Variants in PLEKHA1 observed in about 807,000 individuals in gnomAD.
PLEKHA1 encodes the protein pleckstrin homology domain containing A1, also known as pleckstrin homology domain-containing family A member 1.
PLEKHA1 carries 34 observed loss-of-function variants against 52.0 expected under a neutral mutation model. That is an observed-to-expected ratio of 0.65 (90% CI 0.50 to 0.87). The LOEUF (loss-of-function observed/expected upper bound fraction) is 0.87. Ranked by LOEUF, PLEKHA1 falls within the 40% of genes least tolerant of loss-of-function variation. The pLI is 0.00. For synonymous variants in PLEKHA1, 163 were observed against 170.7 expected (o/e 0.95, Z 0.35); for missense variants, 497 against 504.2 (o/e 0.99, Z 0.14).
At chr10:122,421,525 G>A (rs2097259773) in intron 8 of PLEKHA1, 2 of 152,250 alleles carry the variant, frequency 1.3e-5, no homozygotes, top group South Asian at 4.2e-4. Context: ...TGTAGGAAAA[G>A]TATTCAGGGG....
intron 4 of PLEKHA1, among the ~76,000 whole-genome samples, chr10:122,405,365 G>C (rs2096993638): frequency 6.6e-6 from 1 of 151,902 alleles, no homozygotes; most frequent in Admixed American, 6.6e-5. Context: ...TAAAGTATTG[G>C]TAATAAAGCA....
At chr10:122,376,281 T>TA (rs1189865699) in intron 1 of PLEKHA1, among the ~76,000 whole-genome samples, 5 of 152,188 alleles carry the variant, frequency 3.3e-5, no homozygotes, top group Non-Finnish European at 5.9e-5. Flanking sequence ...CTAGTGGAGT[T>TA]AAAGTATTTT....
At chr10:122,386,821 T>C (rs2096706808) in intron 1 of PLEKHA1, 1 of 152,218 alleles carries the variant, frequency 6.6e-6, no homozygotes, top group Admixed American at 6.5e-5. Context: ...AGAATTCACA[T>C]ATGAACTATT....
intron 4 of PLEKHA1, among the ~76,000 whole-genome samples, chr10:122,405,009 TA>T (rs2096987450): frequency 6.6e-6 from 1 of 152,210 alleles, no homozygotes; most frequent in Non-Finnish European, 1.5e-5. Context: ...TTCAGATACT[TA>T]GCTCCTAGAA....
chr10:122,436,498 A>T (rs2097438083), downstream of PLEKHA1: 1 of 152,210 alleles, frequency 6.6e-6, no homozygotes, highest in Non-Finnish European at 1.5e-5. Context: ...AAAGATAATC[A>T]CTTGGTATAG....
At chr10:122,386,557 A>C (rs1346510615) in intron 1 of PLEKHA1, 1 of 152,026 alleles carries the variant, frequency 6.6e-6, no homozygotes, top group Non-Finnish European at 1.5e-5. Context: ...ATATTTGTCT[A>C]CCCCTAAGGT....
chr10:122,414,180 T>G (rs544598310), intron 6 of PLEKHA1, among the ~76,000 whole-genome samples: 1 of 152,248 alleles, frequency 6.6e-6, no homozygotes, highest in African/African-American at 2.4e-5. Context: ...AGATTAAGCT[T>G]CTTTCACTGG....
Position 122,431,418 on chromosome 10 carries a change from CCCA to C in PLEKHA1, c.*1481_*1483del, listed in dbSNP as rs2097415999. ...TACAGGCGTGAGCCACCATGCCCGGCCCATAAGTACCGTTTTTGAGGTTCAGTC... is the reference window on the plus strand; with the variant it reads ...TACAGGCGTGAGCCACCATGCCCGGCTAAGTACCGTTTTTGAGGTTCAGTC... On this transcript the variant is annotated 3_prime_UTR_variant, in exon 12 of 12. Transcript: ENST00000368990. The C allele has an allele frequency of 6.6e-6, 1 of 152,648 alleles. No individual in the cohort carries two copies. The highest frequency in any genetic ancestry group is 2.4e-5 in the African/African-American group (1 of 41,452). 9.5% of individuals were successfully genotyped at this position (152,648 alleles called of 1,614,324 possible). A position where few individuals can be genotyped will look rare whatever the true frequency, so the allele number is the denominator to read the frequency against.
At chr10:122,424,730 T>A (rs1331339177) in intron 9 of PLEKHA1, among the ~76,000 whole-genome samples, 166 bp from the exon 10 acceptor site, 1 of 152,220 alleles carries the variant, frequency 6.6e-6, no homozygotes, top group Non-Finnish European at 1.5e-5. Context: ...CTACATGAAA[T>A]ATGTAAAATC....
At position 122,429,904 on chromosome 10, in the gene PLEKHA1, T is replaced by G. The variant is rs780602865; in HGVS notation, c.1181T>G (p.Leu394Trp). The G allele has an allele frequency of 6.8e-6, 11 of 1,614,020 alleles. No individual in the cohort carries two copies. Among genetic ancestry groups the G allele is most frequent in the Non-Finnish European group, 8.5e-6 (10 of 1,179,962 alleles). ...PQEKDCDLVD[L>W]DDASLPVSDV ...GAAAAAGATTGTGACCTAGTAGACT[T>G]GGACGATGCGAGCCTTCCGGTCAGT... Residue 394 changes from leucine to tryptophan, a missense_variant, in exon 12 of 12, where the codon TTG becomes TGG. Transcript: ENST00000368990.
rs753031626 is a variant in PLEKHA1, at chr10:122,413,036, T to A, written c.459T>A (p.Thr153=). 6.2e-7 allele frequency: 1 copy of A among 1,612,148 alleles called. No homozygotes were observed. Among genetic ancestry groups the A allele is most frequent in the Admixed American group, 1.7e-5 (1 of 59,956 alleles). ...TDIVGGVPII[T]PTQKEEVNEC... is the part of the protein sequence containing the mutation. ...TTGTTGGTGGCGTACCCATCATTAC[T>A]CCCACTCAGGTAATTAAGTAACTCT... Residue 153 remains threonine (T), a synonymous_variant, in exon 6 of 12, where the codon ACT becomes ACA. Transcript: ENST00000368990.
chr10:122,427,653 A>C (rs1199689833), intron 11 of PLEKHA1, among the ~76,000 whole-genome samples: 2 of 152,218 alleles, frequency 1.3e-5, no homozygotes, highest in Non-Finnish European at 2.9e-5. Context: ...TTGAAATACA[A>C]CTAAACATTC....
At chr10:122,403,947 C>T (rs2096967946) in intron 4 of PLEKHA1, among the ~76,000 whole-genome samples, 2 of 152,208 alleles carry the variant, frequency 1.3e-5, no homozygotes, top group South Asian at 2.1e-4. Context: ...CTGCCTTGGC[C>T]TCCCAAAATG....
chr10:122,400,335 C>A lies in PLEKHA1; in HGVS notation c.199-8C>A. On this transcript the variant is annotated splice_region_variant and splice_polypyrimidine_tract_variant and intron_variant, in intron 3 of 11. Coordinates refer to ENST00000368990, the MANE Select transcript of PLEKHA1 (RefSeq NM_001001974.4). The stretch of plus-strand genomic sequence containing the variant: ...AAGTGAGGAACCCGTCTCTATTTTT[C>A]TTTTTAGGTTAGCGATGCTACTAAG... The A allele has an allele frequency of 6.3e-7, 1 of 1,598,968 alleles. No individual in the cohort carries two copies. The highest frequency in any genetic ancestry group is 1.1e-5 in the South Asian group (1 of 87,640).
chr10:122,377,691 T>TA (rs2096557063), intron 1 of PLEKHA1, among the ~76,000 whole-genome samples: 2 of 152,202 alleles, frequency 1.3e-5, no homozygotes. Context: ...CTCTTACACT[T>TA]ACTGAGCAAT....
intron 1 of PLEKHA1, chr10:122,387,986 A>AAG (rs2096723723): frequency 1.3e-5 from 2 of 152,232 alleles, no homozygotes. Flanking sequence ...ACTGCCTGGT[A>AAG]AGTAACGTTA....
chr10:122,420,414 CA>C (rs2097242998), intron 8 of PLEKHA1: 1 of 152,140 alleles, frequency 6.6e-6, no homozygotes, highest in Non-Finnish European at 1.5e-5. Flanking sequence ...TGCATATACC[CA>C]TCACCTAGAT....
intron 1 of PLEKHA1, among the ~76,000 whole-genome samples, chr10:122,392,658 CCT>C (rs1251990194): frequency 1.3e-5 from 2 of 152,010 alleles, no homozygotes; most frequent in Non-Finnish European, 1.5e-5. Flanking sequence ...AATCACTTCC[CCT>C]GTGTATTAAG....
intron 1 of PLEKHA1, among the ~76,000 whole-genome samples, chr10:122,389,918 C>T (rs544411959): frequency 3.9e-5 from 6 of 152,230 alleles, no homozygotes; most frequent in Admixed American, 3.3e-4. Context: ...TCCTTTGAAG[C>T]TTTGAATCAG....
Sources: allele counts gnomAD v4.1 joint callset (sites outside exome capture counted in the v4.1 genomes callset), GRCh38; gene constraint gnomAD v4.1.1; transcripts MANE v1.5; gene names NCBI Gene and HGNC (gene_info 2026-07-23, HGNC 2026-07-21).